SBF2: variants seen among roughly 807,000 people sequenced by gnomAD.
The protein encoded by SBF2 is myotubularin-related protein 13.
In SBF2, 112 loss-of-function variants were observed where a neutral mutation model predicts 225.2. The ratio of observed to expected loss-of-function variants is 0.50; its 90% CI spans 0.43 to 0.58. SBF2 has a LOEUF of 0.58. Ranked by LOEUF, SBF2 falls within the 20% of genes least tolerant of loss-of-function variation. The probability of loss-of-function intolerance (pLI) is 0.00; values close to 1 mark genes in which losing one functional copy is unlikely to be tolerated. For missense variants in SBF2, 1,996 were observed against 2,206.2 expected, an observed-to-expected ratio of 0.90 and a Z score of 1.91; for synonymous variants, 763 against 773.3, an observed-to-expected ratio of 0.99 and a Z score of 0.22.
intron 1 of SBF2, among the ~76,000 whole-genome samples, chr11:10,216,405 G>A (rs186031898): frequency 7.9e-5 from 12 of 152,298 alleles, no homozygotes; most frequent in African/African-American, 1.4e-4. Flanking sequence ...AGATGATAGC[G>A]ATAGCTTCTC....
chr11:9,822,763 G>C (rs1423033207), intron 28 of SBF2, among the ~76,000 whole-genome samples: 1 of 152,194 alleles, frequency 6.6e-6, no homozygotes, highest in Admixed American at 6.5e-5. Flanking sequence ...AGAGGGAAAA[G>C]AGATGCTTAG....
At chr11:10,202,867 C>T (rs953304104) in intron 1 of SBF2, among the ~76,000 whole-genome samples, 3 of 152,160 alleles carry the variant, frequency 2.0e-5, no homozygotes, top group Admixed American at 6.5e-5. Context: ...CTGAATTTAC[C>T]CTCCAACCTA....
At chr11:10,036,724 C>A (rs190749413) in intron 3 of SBF2, among the ~76,000 whole-genome samples, 134 of 152,230 alleles carry the variant, frequency 8.8e-4, no homozygotes, top group African/African-American at 3.1e-3. Flanking sequence ...TTTCCAGTAT[C>A]CTATACTCTT....
chr11:9,920,780 T>C (rs1316460707), intron 16 of SBF2, among the ~76,000 whole-genome samples: 1 of 152,144 alleles, frequency 6.6e-6, no homozygotes, highest in African/African-American at 2.4e-5. Context: ...CCCTGTACCG[T>C]TATTTCAGAA....
chr11:9,797,435 T>A (rs1263421946), intron 32 of SBF2, among the ~76,000 whole-genome samples: 1 of 152,252 alleles, frequency 6.6e-6, no homozygotes, highest in African/African-American at 2.4e-5. Flanking sequence ...TTGACTCCTA[T>A]GCAGTGGGCC....
At chr11:9,990,691 T>C (rs1461280108) in intron 12 of SBF2, among the ~76,000 whole-genome samples, 3 of 152,204 alleles carry the variant, frequency 2.0e-5, no homozygotes, top group Admixed American at 6.5e-5. Context: ...AGTAGGAACC[T>C]TGGACAGAGT....
chr11:9,807,449 C>T (rs1308574380), intron 32 of SBF2, among the ~76,000 whole-genome samples: 2 of 152,184 alleles, frequency 1.3e-5, no homozygotes, highest in East Asian at 3.8e-4. Flanking sequence ...CAGCTATATC[C>T]ATGTCATTGC....
intron 17 of SBF2, among the ~76,000 whole-genome samples, chr11:9,865,729 T>C (rs1404678354): frequency 8.2e-6 from 1 of 121,608 alleles, no homozygotes; most frequent in South Asian, 2.9e-4. Context: ...CGGGAGGCGT[T>C]GGGGGGCGAA....
chr11:10,247,201 C>G (rs1305190352), intron 1 of SBF2, among the ~76,000 whole-genome samples: 1 of 152,054 alleles, frequency 6.6e-6, no homozygotes, highest in Non-Finnish European at 1.5e-5. Flanking sequence ...ATGGAAAACA[C>G]AAGAAAAGTT....
At chr11:10,235,543 A>AT (rs1959037040) in intron 1 of SBF2, among the ~76,000 whole-genome samples, 1 of 151,036 alleles carries the variant, frequency 6.6e-6, no homozygotes, top group Admixed American at 6.6e-5. Context: ...AAAAAAAAAA[A>AT]CCAAAAAACT....
chr11:10,072,738 T>TC (rs1216857810), intron 2 of SBF2, among the ~76,000 whole-genome samples: 3 of 149,750 alleles, frequency 2.0e-5, no homozygotes, highest in Non-Finnish European at 3.0e-5. Flanking sequence ...TTTTTTCTTT[T>TC]TTTTTTTTTT....
intron 2 of SBF2, among the ~76,000 whole-genome samples, chr11:10,083,587 T>C (rs1951446842): frequency 6.6e-6 from 1 of 152,072 alleles, no homozygotes. Context: ...CTACAGACAA[T>C]TGATTTCTGA....
intron 3 of SBF2, among the ~76,000 whole-genome samples, chr11:10,041,817 G>T (rs1949667121): frequency 1.0e-5 from 1 of 99,586 alleles, no homozygotes; most frequent in African/African-American, 2.7e-5. Flanking sequence ...TCTATACGTA[G>T]CAGAAACTAC....
intron 14 of SBF2, among the ~76,000 whole-genome samples, chr11:9,965,753 T>C (rs368559230): frequency 4.6e-5 from 7 of 152,216 alleles, no homozygotes; most frequent in African/African-American, 9.6e-5. Context: ...AATGAGACTA[T>C]AGACCTTACT....
rs771557442 is a variant in SBF2 at position 9,789,307 on chromosome 11, C to T, written c.4734G>A (p.Lys1578=). ...TCTCTTCTATGTAGTAATCCCACTT[C>T]TTGAGGCTAGAGACGTTTACATTGG... ...LKPNVNVSSL[K]KWDYYIEETL... Residue 1578 remains lysine (K), a synonymous_variant, in exon 35 of 40, where the codon AAG becomes AAA. Coordinates refer to ENST00000256190, the MANE Select transcript of SBF2 (RefSeq NM_030962.4). 3 of 1,614,144 alleles carry T rather than the reference C, an allele frequency of 1.9e-6. No individual in the cohort carries two copies. The highest frequency in any genetic ancestry group is 1.3e-5 in the African/African-American group (1 of 75,024).
Position 9,989,841 on chromosome 11 carries a change from T to C in SBF2, c.1297-246A>G, listed in dbSNP as rs538480958. On this transcript the variant is annotated intron_variant, in intron 12 of 39. Transcript: ENST00000256190. ...ATTTCTTCTAGGGAAAAGTCATTTC[T>C]GGAACTCAGAGAGACCCTGTCATTC... 3.9e-3 allele frequency among the ~76,000 whole-genome samples: 598 copies of C among 152,322 alleles called. 4 individuals carry two copies. Among genetic ancestry groups the C allele is most frequent in the Non-Finnish European group, 6.4e-3 (434 of 68,016 alleles).
chr11:10,120,348 T>G (rs1304758781), intron 2 of SBF2, among the ~76,000 whole-genome samples: 1 of 152,228 alleles, frequency 6.6e-6, no homozygotes, highest in African/African-American at 2.4e-5. Flanking sequence ...TCTGGGTTGC[T>G]TCTACTTCTT....
chr11:10,053,855 G>C (rs1469176481), intron 2 of SBF2, among the ~76,000 whole-genome samples: 1 of 151,980 alleles, frequency 6.6e-6, no homozygotes, highest in Non-Finnish European at 1.5e-5. Flanking sequence ...GGGAGGTTGA[G>C]GGTGCAGAGA....
chr11:10,109,947 T>C (rs528553520), intron 2 of SBF2, among the ~76,000 whole-genome samples: 96 of 152,354 alleles, frequency 6.3e-4, no homozygotes, highest in Non-Finnish European at 1.2e-3. Context: ...TGTGAATCAA[T>C]TGTTTCTCAA....
Sources: gnomAD v4.1 joint callset for allele counts (sites outside exome capture counted in the v4.1 genomes callset) on GRCh38, gnomAD v4.1.1 for gene constraint, MANE v1.5 for transcripts, NCBI Gene and HGNC (gene_info 2026-07-23, HGNC 2026-07-21) for gene names.